The following CHN2 variants were observed in gnomAD, a reference collection of about 807,000 sequenced individuals.
The protein encoded by CHN2 is beta-chimaerin.
Under a neutral mutation model 56.3 loss-of-function variants are expected in CHN2, and 35 were observed. The observed-to-expected ratio is 0.62, with a 90% CI of 0.47 to 0.82. The LOEUF (loss-of-function observed/expected upper bound fraction) is 0.82, where lower values mean the gene tolerates loss of function less well. Among genes scored for constraint, CHN2 ranks in the 40% least tolerant of loss-of-function variants. The pLI is 0.00. For missense variants in CHN2, 491 were observed against 580.5 expected, an observed-to-expected ratio of 0.85 and a Z score of 1.58; for synonymous variants, 210 against 212.8, an observed-to-expected ratio of 0.99 and a Z score of 0.12.
chr7:29,170,728 G>C (rs936640702), intron 2 of CHN2, among the ~76,000 whole-genome samples: 17 of 152,154 alleles, frequency 1.1e-4, no homozygotes, highest in African/African-American at 3.9e-4. Context: ...ACTCGCGACT[G>C]GGCAATTTAC....
At chr7:29,328,021 C>T (rs980789735) in intron 1 of CHN2, among the ~76,000 whole-genome samples, 11 of 152,232 alleles carry the variant, frequency 7.2e-5, no homozygotes, top group African/African-American at 2.4e-4. Context: ...ACGTTTTGAA[C>T]AGAAAGCTGA....
chr7:29,367,950 A>G lies in CHN2; in HGVS notation c.107A>G (p.Glu36Gly). The part of the protein sequence containing the change: ...WKSYLYQLQQ[E>G]APRPKRIICP... ...TTGGCAGTATATCAGTTACAGCAAG[A>G]GGCACCTCGTCCCAAGAGAATCATT... The change falls in exon 3 of 13, where the codon GAG becomes GGG. Residue 36 changes from glutamate (E) to glycine (G), a missense_variant. Coordinates refer to ENST00000222792, the MANE Select transcript of CHN2 (RefSeq NM_004067.4). The G allele has an allele frequency of 6.2e-7, 1 of 1,611,526 alleles. No individual in the cohort carries two copies. Among genetic ancestry groups the G allele is most frequent in the Non-Finnish European group, 8.5e-7 (1 of 1,178,960 alleles).
intron 6 of CHN2, among the ~76,000 whole-genome samples, chr7:29,477,862 G>T (rs964878733): frequency 9.2e-5 from 14 of 152,214 alleles, no homozygotes; most frequent in Non-Finnish European, 2.1e-4. Context: ...CACAACCCTG[G>T]CTTCCTATAT....
intron 1 of CHN2, among the ~76,000 whole-genome samples, chr7:29,310,034 G>A (rs1024518177): frequency 6.6e-5 from 10 of 152,216 alleles, no homozygotes; most frequent in Non-Finnish European, 1.0e-4. Flanking sequence ...TTTCCTAGGT[G>A]GGGGGACCAA....
chr7:29,476,536 C>A (rs376575568), intron 6 of CHN2, among the ~76,000 whole-genome samples: 21 of 143,532 alleles, frequency 1.5e-4, no homozygotes, highest in South Asian at 2.2e-4. Flanking sequence ...GAGTCCGTCT[C>A]AAAAAAAAAA....
intron 1 of CHN2, among the ~76,000 whole-genome samples, chr7:29,343,770 A>T (rs1285346812): frequency 6.7e-6 from 1 of 150,064 alleles, no homozygotes; most frequent in Non-Finnish European, 1.5e-5. Flanking sequence ...CCCCACTCTC[A>T]TGTTCCCCCT....
chr7:29,373,467 G>A (rs990348217), intron 3 of CHN2, among the ~76,000 whole-genome samples: 4 of 152,060 alleles, frequency 2.6e-5, no homozygotes, highest in South Asian at 2.1e-4. Context: ...CAGCCACCAC[G>A]CCCGGCCGGC....
intron 3 of CHN2, among the ~76,000 whole-genome samples, chr7:29,386,765 A>G (rs549587063): frequency 1.3e-5 from 2 of 152,360 alleles, no homozygotes; most frequent in Admixed American, 1.3e-4. Flanking sequence ...TCCAAATCAC[A>G]GGGAAATATT....
intron 7 of CHN2, among the ~76,000 whole-genome samples, chr7:29,494,262 T>TTTTTATAC (rs1178214790): frequency 3.3e-5 from 5 of 152,110 alleles, no homozygotes. Flanking sequence ...TTTTCTTCTG[T>TTTTTATAC]AGCCCTTTTT....
chr7:29,447,531 T>C (rs1784114647), intron 6 of CHN2, among the ~76,000 whole-genome samples: 1 of 151,932 alleles, frequency 6.6e-6, no homozygotes, highest in Non-Finnish European at 1.5e-5. Flanking sequence ...TATGAAGAAA[T>C]AATGGCCTCA....
intron 1 of CHN2, among the ~76,000 whole-genome samples, chr7:29,337,481 G>A (rs182440228): frequency 4.6e-5 from 7 of 152,254 alleles, no homozygotes; most frequent in East Asian, 3.9e-4. Context: ...AGCAGAGTGC[G>A]GAGAGGGGGT....
intron 3 of CHN2, among the ~76,000 whole-genome samples, chr7:29,369,571 T>C (rs772061004): frequency 6.6e-6 from 1 of 152,136 alleles, no homozygotes; most frequent in African/African-American, 2.4e-5. Flanking sequence ...TCCCTGTATA[T>C]GTATGTGCGT....
rs1013670624 is a variant in CHN2, at chr7:29,437,319, C to G, written c.576+36491C>G. ...CAGCATTTAAGATATCTAAAACCGGCTGGGCGCGGTGGCTCACGCCTGTAA... is the reference window on the plus strand; with the variant it reads ...CAGCATTTAAGATATCTAAAACCGGGTGGGCGCGGTGGCTCACGCCTGTAA... On this transcript the variant is annotated intron_variant, in intron 6 of 12. Coordinates refer to ENST00000222792, the MANE Select transcript of CHN2 (RefSeq NM_004067.4). Among the ~76,000 whole-genome samples the G allele has an allele frequency of 1.2e-4, 10 of 84,732 alleles. 2 individuals are homozygous for G. Among genetic ancestry groups the G allele is most frequent in the African/African-American group, 5.9e-4 (8 of 13,606 alleles). 55.6% of individuals were successfully genotyped at this position (84,732 alleles called of 152,430 possible).
chr7:29,474,639 G>A (rs897679886), intron 6 of CHN2, among the ~76,000 whole-genome samples: 1 of 152,194 alleles, frequency 6.6e-6, no homozygotes, highest in Non-Finnish European at 1.5e-5. Flanking sequence ...AGCTCGGGCA[G>A]TCAACACCTA....
At chr7:29,198,066 C>T (rs1783885989) in intron 1 of CHN2, 53 of 455,852 alleles carry the variant, frequency 1.2e-4, no homozygotes, top group South Asian at 8.2e-4. Context: ...CACAGAGCTG[C>T]CAGCTCACTC....
chr7:29,449,688 TAACTC>T (rs1784269964), intron 6 of CHN2, among the ~76,000 whole-genome samples: 1 of 152,236 alleles, frequency 6.6e-6, no homozygotes, highest in Non-Finnish European at 1.5e-5. Context: ...GGCTTATAGT[TAACTC>T]AAATAAATGT....
At chr7:29,247,910 A>C (rs1788197843) in intron 1 of CHN2, among the ~76,000 whole-genome samples, 1 of 152,214 alleles carries the variant, frequency 6.6e-6, no homozygotes. Context: ...TTGAGTCATC[A>C]TTTTTATAGA....
chr7:29,422,016 G>A (rs971113511), intron 6 of CHN2, among the ~76,000 whole-genome samples: 10 of 145,496 alleles, frequency 6.9e-5, no homozygotes, highest in African/African-American at 1.8e-4. Context: ...ATGCCACATA[G>A]GGACATAAAA....
chr7:29,481,817 A>G (rs3729621), intron 7 of CHN2, among the ~76,000 whole-genome samples: 11,595 of 152,082 alleles, frequency 0.076, 506 homozygotes, highest in East Asian at 0.18. Context: ...ATGGACTTGT[A>G]AATTCTTTTT....
Sources: allele counts gnomAD v4.1 joint callset (sites outside exome capture counted in the v4.1 genomes callset), GRCh38; gene constraint gnomAD v4.1.1; transcripts MANE v1.5; gene names NCBI Gene and HGNC (gene_info 2026-07-23, HGNC 2026-07-21).